The following C9orf85 variants were observed in gnomAD, a reference collection of about 807,000 sequenced individuals.
The protein encoded by C9orf85 is chromosome 9 open reading frame 85.
A neutral mutation model predicts 14.9 loss-of-function variants in C9orf85; 16 were observed. The ratio of observed to expected loss-of-function variants is 1.08; its 90% CI spans 0.73 to 1.63. The LOEUF (loss-of-function observed/expected upper bound fraction) is 1.63. C9orf85 is among the 40% of genes most tolerant of loss of function. The pLI, the probability that C9orf85 is intolerant of heterozygous loss-of-function variation, is 0.00. For synonymous variants in C9orf85, 45 were observed against 56.8 expected, an observed-to-expected ratio of 0.79 and a Z score of 0.93; for missense variants, 172 against 186.1, an observed-to-expected ratio of 0.92 and a Z score of 0.44.
chr9:71,972,858 A>ATCACT lies in C9orf85; in HGVS notation c.*16_*17insTCACT, dbSNP rs761776562. 5.0e-6 allele frequency: 8 copies of ATCACT among 1,591,206 alleles called. No homozygotes were observed. The East Asian group carries it at 1.8e-4, about 36-fold the overall frequency. On this transcript the variant is annotated 3_prime_UTR_variant, in exon 4 of 4. Transcript: ENST00000334731. ...AATGAATTAATATCACTGTATTAAA[A>ATCACT]GTCTGCCGGGCACAGTGGCTCACGC...
chr9:71,985,954 A>G (rs896810497), downstream of C9orf85: 63 of 152,354 alleles, frequency 4.1e-4, no homozygotes, highest in African/African-American at 1.5e-3. Context: ...TTCATTTGCA[A>G]CTTGTTAAAT....
intron 1 of C9orf85, among the ~76,000 whole-genome samples, chr9:71,944,233 C>T (rs75175326): frequency 4.9e-5 from 1 of 20,588 alleles, no homozygotes; most frequent in Non-Finnish European, 2.4e-4. Context: ...GACTCTGTCT[C>T]AAAAAAAAAA....
intron 2 of C9orf85, among the ~76,000 whole-genome samples, chr9:71,957,345 T>A (rs1822405348): frequency 6.6e-6 from 1 of 152,208 alleles, no homozygotes; most frequent in African/African-American, 2.4e-5. Context: ...TTGGTATTTT[T>A]AAGCATTGAG....
chr9:71,915,255 A>G (rs760965632), intron 1 of C9orf85, among the ~76,000 whole-genome samples: 24 of 151,142 alleles, frequency 1.6e-4, no homozygotes, highest in East Asian at 1.9e-4. Flanking sequence ...GATATGGATC[A>G]CCACAACCTC....
chr9:71,924,171 C>T (rs1462112766), intron 1 of C9orf85, among the ~76,000 whole-genome samples: 1 of 152,172 alleles, frequency 6.6e-6, no homozygotes, highest in African/African-American at 2.4e-5. Flanking sequence ...GGTTTTTTGG[C>T]TTCTAAAAAT....
intron 2 of C9orf85, among the ~76,000 whole-genome samples, chr9:71,967,486 G>T (rs1250741953): frequency 6.6e-6 from 1 of 152,016 alleles, no homozygotes; most frequent in Non-Finnish European, 1.5e-5. Context: ...TCTTTTGGCT[G>T]TTGTAATTTC....
chr9:71,973,863 T>TTG (rs1177410457), downstream of C9orf85, among the ~76,000 whole-genome samples: 2 of 150,362 alleles, frequency 1.3e-5, no homozygotes, highest in Non-Finnish European at 3.0e-5. Flanking sequence ...TTTTGTTGTT[T>TTG]TTTTTTTTTA....
rs181001501 is a variant in C9orf85 at position 71,946,523 on chromosome 9, A to G, written c.103-483A>G. On this transcript the variant is annotated intron_variant, in intron 1 of 3. Transcript: ENST00000334731. Reference sequence around the variant, plus strand: ...ATTTTCTAGATGAGGGCCAGGCCCCAGTGGCTCATGCCTGTAATCCCAGCA... The same window carrying G: ...ATTTTCTAGATGAGGGCCAGGCCCCGGTGGCTCATGCCTGTAATCCCAGCA... Among the ~76,000 whole-genome samples the G allele has an allele frequency of 3.3e-5, 5 of 152,228 alleles. No individual in the cohort carries two copies. In the East Asian group the frequency reaches 9.7e-4, roughly 29 times the overall value.
At chr9:71,920,858 A>C (rs187482539) in intron 1 of C9orf85, among the ~76,000 whole-genome samples, 486 of 152,312 alleles carry the variant, frequency 3.2e-3, no homozygotes, top group African/African-American at 0.011. Flanking sequence ...AACAAAAAAA[A>C]AATTCTAAGC....
At chr9:71,962,457 A>G (rs962652367) in intron 2 of C9orf85, among the ~76,000 whole-genome samples, 7 of 152,216 alleles carry the variant, frequency 4.6e-5, no homozygotes, top group African/African-American at 1.4e-4. Context: ...AAACTTCAGC[A>G]ATGTTGCGTT....
chr9:71,927,266 CAAAA>C (rs61679762), intron 1 of C9orf85, among the ~76,000 whole-genome samples: 3 of 106,770 alleles, frequency 2.8e-5, no homozygotes. Context: ...GAAAGTTTGT[CAAAA>C]AAAAAAAAAA....
chr9:71,933,987 G>T (rs1828130440), intron 1 of C9orf85, among the ~76,000 whole-genome samples: 1 of 151,940 alleles, frequency 6.6e-6, no homozygotes, highest in African/African-American at 2.4e-5. Context: ...CTCCTTTTTA[G>T]GTCAAGCCAG....
At chr9:71,935,319 TAGC>T (rs1346201004) in intron 1 of C9orf85, among the ~76,000 whole-genome samples, 13 of 152,296 alleles carry the variant, frequency 8.5e-5, no homozygotes, top group African/African-American at 2.6e-4. Context: ...TCCATGTTCA[TAGC>T]AGCATTATTT....
At chr9:71,938,023 A>G (rs867362345) in intron 1 of C9orf85, among the ~76,000 whole-genome samples, 1 of 152,118 alleles carries the variant, frequency 6.6e-6, no homozygotes, top group African/African-American at 2.4e-5. Context: ...TTTCAAAAGT[A>G]TTTCTGGGCT....
At chr9:71,928,618 C>T (rs1013750567) in intron 1 of C9orf85, among the ~76,000 whole-genome samples, 1 of 152,248 alleles carries the variant, frequency 6.6e-6, no homozygotes, top group African/African-American at 2.4e-5. Context: ...GGAGTAGACT[C>T]TTCACATGAA....
intron 2 of C9orf85, among the ~76,000 whole-genome samples, chr9:71,949,004 T>C (rs1398387744): frequency 1.3e-5 from 2 of 152,236 alleles, no homozygotes; most frequent in East Asian, 1.9e-4. Context: ...CATGAATGAA[T>C]TGTGTTCTCT....
intron 1 of C9orf85, among the ~76,000 whole-genome samples, chr9:71,927,838 C>T (rs1392332370): frequency 6.6e-6 from 1 of 152,160 alleles, no homozygotes; most frequent in African/African-American, 2.4e-5. Flanking sequence ...GGTTTCTCCT[C>T]TCTGTAAAAA....
chr9:71,953,206 C>T (rs546577974), intron 2 of C9orf85, among the ~76,000 whole-genome samples: 1 of 152,172 alleles, frequency 6.6e-6, no homozygotes, highest in Non-Finnish European at 1.5e-5. Flanking sequence ...AAGCCTTGCT[C>T]TGTACCGAAT....
At chr9:71,980,092 C>T (rs1823070503) in intron 3 of C9orf85, among the ~76,000 whole-genome samples, 2 of 150,398 alleles carry the variant, frequency 1.3e-5, no homozygotes, top group Admixed American at 6.7e-5. Flanking sequence ...CGGCTCACTG[C>T]AACCTCCACC....
Sources: gnomAD v4.1 joint callset for allele counts (sites outside exome capture counted in the v4.1 genomes callset) on GRCh38, gnomAD v4.1.1 for gene constraint, MANE v1.5 for transcripts, NCBI Gene and HGNC (gene_info 2026-07-23, HGNC 2026-07-21) for gene names.